The following COL5A2 variants were observed in gnomAD, a reference collection of about 807,000 sequenced individuals.
COL5A2 encodes collagen type V alpha 2 chain, also known as collagen alpha-2(V) chain.
Under a neutral mutation model 208.2 loss-of-function variants are expected in COL5A2, and 23 were observed. That is an observed-to-expected ratio of 0.11 (90% CI 0.08 to 0.16). The LOEUF is 0.16. Ranked by LOEUF, COL5A2 falls within the 10% of genes least tolerant of loss-of-function variation. The pLI, the probability that COL5A2 is intolerant of heterozygous loss-of-function variation, is 1.00. For synonymous variants in COL5A2, 625 were observed against 628.5 expected (o/e 0.99, Z 0.08); for missense variants, 1,590 against 1,956.4 (o/e 0.81, Z 3.53).
intron 1 of COL5A2, among the ~76,000 whole-genome samples, chr2:189,194,471 C>CT (rs1425498029): frequency 3.3e-5 from 5 of 152,216 alleles, no homozygotes; most frequent in South Asian, 4.1e-4. Context: ...TGACATAATG[C>CT]TTTTTTTCCA....
chr2:189,083,318 C>T (rs918416553), intron 12 of COL5A2, among the ~76,000 whole-genome samples: 5 of 152,068 alleles, frequency 3.3e-5, no homozygotes, highest in African/African-American at 1.2e-4. Flanking sequence ...GGCAAAGGGG[C>T]CAGGTCTTGG....
At chr2:189,078,416 G>T (rs2105630657) in intron 16 of COL5A2, 100 bp downstream of exon 16, 1 of 918,324 alleles carries the variant, frequency 1.1e-6, no homozygotes, top group Non-Finnish European at 1.8e-6. Context: ...AAGGTGACCA[G>T]TACTATTACT....
the COL5A2 span, among the ~76,000 whole-genome samples, chr2:189,328,029 C>A: frequency 6.6e-6 from 1 of 152,314 alleles, no homozygotes; most frequent in Non-Finnish European, 1.5e-5. Context: ...CACAGAAATT[C>A]CTACAGAGTC....
chr2:189,241,511 T>C, the COL5A2 span, among the ~76,000 whole-genome samples: 2 of 152,164 alleles, frequency 1.3e-5, no homozygotes, highest in African/African-American at 2.4e-5. Flanking sequence ...GGGCAACGTA[T>C]TGAGACCCCA....
intron 35 of COL5A2, 41 bp from the exon 36 acceptor site, chr2:189,054,253 G>T: frequency 6.9e-7 from 1 of 1,457,024 alleles, no homozygotes; most frequent in Non-Finnish European, 9.6e-7. Flanking sequence ...GGTAAAAAAT[G>T]CACAGAAATC....
chr2:189,050,749 G>A, intron 42 of COL5A2, 73 bp from the exon 43 acceptor site: 3 of 1,295,730 alleles, frequency 2.3e-6, no homozygotes, highest in Non-Finnish European at 3.3e-6. Flanking sequence ...ACAATAAGTT[G>A]GGTACAGCTT....
At chr2:189,399,873 T>C in the COL5A2 span, among the ~76,000 whole-genome samples, 5 of 151,982 alleles carry the variant, frequency 3.3e-5, no homozygotes, top group Non-Finnish European at 5.9e-5. Context: ...CTAATTTTTG[T>C]ATTTTTTTGT....
chr2:189,086,581 T>C (rs960127873), intron 9 of COL5A2, 145 bp downstream of exon 9: 1 of 570,050 alleles, frequency 1.8e-6, no homozygotes, highest in Admixed American at 3.2e-5. Context: ...AAATAAAAAC[T>C]ATTTAATATA....
chr2:189,336,300 A>G, the COL5A2 span, among the ~76,000 whole-genome samples: 1 of 152,228 alleles, frequency 6.6e-6, no homozygotes, highest in Non-Finnish European at 1.5e-5. Context: ...GAGATTGTCA[A>G]ATGGTACAAC....
the COL5A2 span, among the ~76,000 whole-genome samples, chr2:189,428,680 G>A: frequency 6.6e-6 from 1 of 152,124 alleles, no homozygotes; most frequent in Non-Finnish European, 1.5e-5. Flanking sequence ...TGCCATGTAA[G>A]ATGTCTCACT....
chr2:189,041,552 A>ATT (rs1470072835), intron 50 of COL5A2, 34 bp downstream of exon 50: 2 of 1,472,042 alleles, frequency 1.4e-6, no homozygotes, highest in Non-Finnish European at 1.9e-6. Flanking sequence ...TTGAATAAAT[A>ATT]GCATTTCTTG....
intron 18 of COL5A2, 34 bp downstream of exon 18, chr2:189,072,006 C>T (rs778249128): frequency 4.4e-6 from 6 of 1,366,150 alleles, no homozygotes; most frequent in South Asian, 1.2e-5. Context: ...AATCATGTAG[C>T]GTTAAATACT....
At chr2:189,172,369 G>A (rs1232358167) in intron 1 of COL5A2, among the ~76,000 whole-genome samples, 1 of 152,206 alleles carries the variant, frequency 6.6e-6, no homozygotes, top group East Asian at 1.9e-4. Context: ...AAGATTTGGT[G>A]AAAGCAATTT....
At chr2:189,335,757 A>G in the COL5A2 span, among the ~76,000 whole-genome samples, 3 of 151,956 alleles carry the variant, frequency 2.0e-5, no homozygotes, top group African/African-American at 7.3e-5. Context: ...GGTCTGGGGG[A>G]AAAGGAGAAT....
chr2:189,231,747 A>C, the COL5A2 span, among the ~76,000 whole-genome samples: 19 of 151,630 alleles, frequency 1.3e-4, no homozygotes, highest in Non-Finnish European at 1.9e-4. Context: ...TGTTTCTTAT[A>C]ACTAAAGAAG....
the COL5A2 span, among the ~76,000 whole-genome samples, chr2:189,244,543 C>G: frequency 2.6e-5 from 4 of 152,190 alleles, no homozygotes; most frequent in Non-Finnish European, 5.9e-5. Context: ...CATATCCCAA[C>G]CTTTGCTCCA....
chr2:189,260,643 G>C, the COL5A2 span, among the ~76,000 whole-genome samples: 2 of 152,158 alleles, frequency 1.3e-5, no homozygotes, highest in African/African-American at 4.8e-5. Context: ...GTTTTTCTAA[G>C]GGTCAAGCAT....
chr2:189,165,020 C>T (rs1688439773), intron 1 of COL5A2, among the ~76,000 whole-genome samples: 1 of 152,204 alleles, frequency 6.6e-6, no homozygotes. Context: ...TCTGTCTTGA[C>T]ATCAGTAAAA....
At chr2:189,346,755 A>G in the COL5A2 span, among the ~76,000 whole-genome samples, 1 of 152,160 alleles carries the variant, frequency 6.6e-6, no homozygotes, top group Non-Finnish European at 1.5e-5. Context: ...AAGTAGCTAC[A>G]ATGCCTGAGG....
Sources: allele counts gnomAD v4.1 joint callset (sites outside exome capture counted in the v4.1 genomes callset), GRCh38; gene constraint gnomAD v4.1.1; transcripts MANE v1.5; gene names NCBI Gene and HGNC (gene_info 2026-07-23, HGNC 2026-07-21).